Variants in LSAMP observed in about 807,000 individuals in gnomAD.
LSAMP encodes the protein limbic system-associated membrane protein.
In LSAMP, 7 loss-of-function variants were observed where a neutral mutation model predicts 38.6. That is an observed-to-expected ratio of 0.18 (90% CI 0.10 to 0.34). The LOEUF is 0.34. Among genes scored for constraint, LSAMP ranks in the 10% least tolerant of loss-of-function variants. LSAMP has a pLI of 1.00. For synonymous variants in LSAMP, 154 were observed against 166.8 expected (o/e 0.92, Z 0.59); for missense variants, 313 against 420.0 (o/e 0.75, Z 2.23).
intron 1 of LSAMP, among the ~76,000 whole-genome samples, chr3:116,285,443 C>T (rs749020267): frequency 5.9e-5 from 9 of 152,090 alleles, no homozygotes; most frequent in Admixed American, 1.3e-4. Context: ...AATGTCATTT[C>T]TTCTCCCTGG....
intron 1 of LSAMP, among the ~76,000 whole-genome samples, chr3:116,374,812 G>A (rs1171837453): frequency 2.6e-5 from 4 of 151,740 alleles, no homozygotes; most frequent in Admixed American, 2.0e-4. Flanking sequence ...CTAGACTCAA[G>A]AACTGAAAGA....
intron 2 of LSAMP, among the ~76,000 whole-genome samples, chr3:116,044,024 C>T (rs1941238110): frequency 6.6e-6 from 1 of 152,220 alleles, no homozygotes. Flanking sequence ...CTCTACTCTT[C>T]CTCCATGAGC....
chr3:116,305,009 T>G (rs2047463771), intron 1 of LSAMP, among the ~76,000 whole-genome samples: 1 of 152,130 alleles, frequency 6.6e-6, no homozygotes, highest in Non-Finnish European at 1.5e-5. Flanking sequence ...TAAAGGTGTT[T>G]TTAAGACTTC....
intron 1 of LSAMP, among the ~76,000 whole-genome samples, chr3:116,157,281 T>A (rs1709775216): frequency 6.6e-6 from 1 of 152,058 alleles, no homozygotes; most frequent in African/African-American, 2.4e-5. Flanking sequence ...CTCCATAACT[T>A]ATAGGGATAG....
intron 3 of LSAMP, among the ~76,000 whole-genome samples, chr3:115,977,614 A>G (rs1939226874): frequency 1.3e-5 from 2 of 152,112 alleles, no homozygotes; most frequent in African/African-American, 4.8e-5. Context: ...TGCAAGTCCA[A>G]TCTAAATGAC....
intron 1 of LSAMP, among the ~76,000 whole-genome samples, chr3:116,238,370 G>A (rs2046491602): frequency 6.6e-6 from 1 of 152,140 alleles, no homozygotes; most frequent in African/African-American, 2.4e-5. Context: ...TCTAGAACAG[G>A]AGCATAAAAT....
At chr3:116,357,892 G>A (rs1043056331) in intron 1 of LSAMP, among the ~76,000 whole-genome samples, 1 of 148,886 alleles carries the variant, frequency 6.7e-6, no homozygotes, top group African/African-American at 2.5e-5. Flanking sequence ...ACTTGTTTTC[G>A]CAAACAAAGT....
At chr3:116,209,008 G>A (rs146749090) in intron 1 of LSAMP, among the ~76,000 whole-genome samples, 10,512 of 152,252 alleles carry the variant, frequency 0.069, 559 homozygotes, top group Non-Finnish European at 0.099. Context: ...CCTCGCTGCC[G>A]CCTTGCAGTT....
At chr3:116,437,069 G>T (rs2049362998) in intron 1 of LSAMP, among the ~76,000 whole-genome samples, 1 of 149,742 alleles carries the variant, frequency 6.7e-6, no homozygotes, top group Non-Finnish European at 1.5e-5. Flanking sequence ...ACACACAATG[G>T]AATACTAAGC....
chr3:115,950,406 T>C (rs1352320305), intron 3 of LSAMP, among the ~76,000 whole-genome samples: 9 of 152,044 alleles, frequency 5.9e-5, no homozygotes, highest in Admixed American at 5.9e-4. Context: ...CAAAAATCAA[T>C]GTATACAAAT....
intron 1 of LSAMP, among the ~76,000 whole-genome samples, chr3:116,107,165 G>A (rs1006411622): frequency 6.6e-6 from 1 of 152,156 alleles, no homozygotes; most frequent in Non-Finnish European, 1.5e-5. Context: ...AGTCATGAAG[G>A]TCAGGTGTGG....
chr3:116,316,381 A>G (rs1426946224), intron 1 of LSAMP, among the ~76,000 whole-genome samples: 1 of 152,180 alleles, frequency 6.6e-6, no homozygotes, highest in Non-Finnish European at 1.5e-5. Context: ...GTCTAGCAAA[A>G]TATCTGACAA....
chr3:116,043,095 G>C (rs953447508), intron 2 of LSAMP, among the ~76,000 whole-genome samples: 1 of 152,150 alleles, frequency 6.6e-6, no homozygotes, highest in South Asian at 2.1e-4. Flanking sequence ...TATTGGAAAC[G>C]AGTAGTATTC....
intron 1 of LSAMP, among the ~76,000 whole-genome samples, chr3:116,266,436 G>C (rs2046893056): frequency 6.6e-6 from 1 of 152,138 alleles, no homozygotes; most frequent in South Asian, 2.1e-4. Context: ...TCACTCAGAG[G>C]AAACAACACC....
At chr3:116,047,014 T>G (rs145391444) in intron 2 of LSAMP, among the ~76,000 whole-genome samples, 168 of 152,320 alleles carry the variant, frequency 1.1e-3, no homozygotes, top group African/African-American at 3.8e-3. Context: ...CAAGCCCTGT[T>G]TTATTTATTC....
At chr3:116,054,403 C>T (rs937348364) in intron 2 of LSAMP, among the ~76,000 whole-genome samples, 1 of 152,064 alleles carries the variant, frequency 6.6e-6, no homozygotes, top group African/African-American at 2.4e-5. Context: ...GAGTAAACAT[C>T]TCCAGCGTGG....
At chr3:116,363,785 GA>G (rs2048318649) in intron 1 of LSAMP, among the ~76,000 whole-genome samples, 1 of 150,034 alleles carries the variant, frequency 6.7e-6, no homozygotes, top group Non-Finnish European at 1.5e-5. Context: ...AATAGATGCA[GA>G]AAAGGCCTTT....
chr3:116,419,163 C>G (rs2049090488), intron 1 of LSAMP, among the ~76,000 whole-genome samples: 1 of 152,182 alleles, frequency 6.6e-6, no homozygotes. Context: ...GGCATTATAC[C>G]TGGTGATGAC....
At chr3:116,025,972 T>G (rs756716056) in intron 2 of LSAMP, among the ~76,000 whole-genome samples, 1 of 152,226 alleles carries the variant, frequency 6.6e-6, no homozygotes, top group Non-Finnish European at 1.5e-5. Flanking sequence ...TTTTTCTGTG[T>G]GCATTGGTGT....
Sources: gnomAD v4.1 joint callset for allele counts (sites outside exome capture counted in the v4.1 genomes callset) on GRCh38, gnomAD v4.1.1 for gene constraint, MANE v1.5 for transcripts, NCBI Gene and HGNC (gene_info 2026-07-23, HGNC 2026-07-21) for gene names.